Variants in PLCL2 observed in about 807,000 individuals in gnomAD.
PLCL2 encodes the protein phospholipase C like 2.
In PLCL2, 4 loss-of-function variants were observed where a neutral mutation model predicts 79.6. The observed-to-expected ratio is 0.05, with a 90% CI of 0.02 to 0.11. The LOEUF (loss-of-function observed/expected upper bound fraction) is 0.11, where lower values mean the gene tolerates loss of function less well. PLCL2 is among the 10% of genes least tolerant of loss of function. The pLI is 1.00. For missense variants in PLCL2, 895 were observed against 1,291.0 expected, an observed-to-expected ratio of 0.69 and a Z score of 4.70; for synonymous variants, 484 against 457.7, an observed-to-expected ratio of 1.06 and a Z score of -0.73.
chr3:16,954,185 G>T (rs529373579), intron 1 of PLCL2, among the ~76,000 whole-genome samples: 3 of 151,936 alleles, frequency 2.0e-5, no homozygotes, highest in Non-Finnish European at 2.9e-5. Flanking sequence ...GCTCCCCCCA[G>T]CCCACAACAG....
chr3:16,919,953 A>G (rs1269865934), intron 1 of PLCL2, among the ~76,000 whole-genome samples: 1 of 152,170 alleles, frequency 6.6e-6, no homozygotes, highest in Non-Finnish European at 1.5e-5. Context: ...GAATATCCAT[A>G]TATATACCAC....
At chr3:16,942,184 A>G (rs17272740) in intron 1 of PLCL2, among the ~76,000 whole-genome samples, 24,425 of 152,220 alleles carry the variant, frequency 0.16, 2,489 homozygotes, top group Non-Finnish European at 0.21. Context: ...CAGTGGACCA[A>G]TAGAACCCTA....
At chr3:16,964,568 A>G (rs916014350) in intron 1 of PLCL2, among the ~76,000 whole-genome samples, 1 of 152,142 alleles carries the variant, frequency 6.6e-6, no homozygotes, top group Non-Finnish European at 1.5e-5. Context: ...TGGTATTTCT[A>G]GTTCTAGATC....
intron 1 of PLCL2, among the ~76,000 whole-genome samples, chr3:16,901,137 A>G (rs1193497122): frequency 6.6e-6 from 1 of 152,240 alleles, no homozygotes; most frequent in Non-Finnish European, 1.5e-5. Context: ...TGAAGTTTCA[A>G]AAAATTATAT....
chr3:16,921,208 T>C (rs1697118072), intron 1 of PLCL2, among the ~76,000 whole-genome samples: 1 of 152,230 alleles, frequency 6.6e-6, no homozygotes, highest in South Asian at 2.1e-4. Flanking sequence ...TTTAGTCATA[T>C]ATTTTTAAAA....
chr3:16,958,171 A>T (rs7645335), intron 1 of PLCL2, among the ~76,000 whole-genome samples: 85,121 of 152,054 alleles, frequency 0.56, 23,970 homozygotes, highest in South Asian at 0.65. Flanking sequence ...TGGTACTGAT[A>T]GTTCCTTTCC....
chr3:16,952,360 CAAAAAAAAAAAAAAAA>C lies in PLCL2; in HGVS notation c.328-57298_328-57283del, dbSNP rs35421244. Among the ~76,000 whole-genome samples the C allele has an allele frequency of 4.4e-4, 10 of 22,616 alleles. 1 individual carries two copies. The highest frequency in any genetic ancestry group is 3.7e-4 in the Non-Finnish European group (5 of 13,626). The allele number at this position is 22,616 out of a possible 152,430, so 14.8% of individuals were successfully genotyped here. The stretch of plus-strand genomic sequence containing the variant: ...TGCACATGTATCCCAGAACTTAAAG[CAAAAAAAAAAAAAAAA>C]AAAAAAAAAAAAAAAGAACCTGTTC... On this transcript the variant is annotated intron_variant, in intron 1 of 5. Coordinates refer to ENST00000615277, the MANE Select transcript of PLCL2 (RefSeq NM_001144382.2).
rs756668314 is a variant in PLCL2 at position 17,011,458 on chromosome 3, T to C, written c.2112T>C (p.Phe704=). The C allele has an allele frequency of 2.5e-6, 4 of 1,614,178 alleles. No homozygotes were observed. In the South Asian group the frequency reaches 3.3e-5, roughly 13 times the overall value. ...KCGCQIVAMN[F]QTPGLMMDLN... is the part of the protein sequence containing the mutation. Reference sequence around the variant, plus strand: ...GTTGCCAAATTGTAGCCATGAACTTTCAGACACCAGGACTGATGATGGACC... The same window carrying C: ...GTTGCCAAATTGTAGCCATGAACTTCCAGACACCAGGACTGATGATGGACC... Residue 704 remains phenylalanine, a synonymous_variant, in exon 2 of 6, where the codon TTT becomes TTC. Coordinates refer to ENST00000615277, the MANE Select transcript of PLCL2 (RefSeq NM_001144382.2). The surrounding 1 kb of genome is among the most constrained non-coding windows in gnomAD (Gnocchi z 7.9).
intron 1 of PLCL2, among the ~76,000 whole-genome samples, chr3:16,982,738 T>C (rs2064012573): frequency 6.6e-6 from 1 of 152,236 alleles, no homozygotes; most frequent in African/African-American, 2.4e-5. Flanking sequence ...TTCTTCTCTT[T>C]CCTTTACTGA....
chr3:16,962,202 A>G (rs1284462727), intron 1 of PLCL2, among the ~76,000 whole-genome samples: 2 of 152,210 alleles, frequency 1.3e-5, no homozygotes. Flanking sequence ...ATATTAGAGA[A>G]CAGGTTATTT....
chr3:16,895,106 C>CATGTATCTATATA lies in PLCL2; in HGVS notation c.327+9740_327+9741insATGTATCTATATA, dbSNP rs1559478587. Reference sequence around the variant, plus strand: ...TATATGTTGAAACATGTATCTATATCGATATAGATATATGTTGAAACATGT... The same window carrying CATGTATCTATATA: ...TATATGTTGAAACATGTATCTATATCATGTATCTATATAGATATAGATATATGTTGAAACATGT... On this transcript the variant is annotated intron_variant, in intron 1 of 5. Transcript: ENST00000615277. Among the ~76,000 whole-genome samples, 478 of 141,320 alleles carry CATGTATCTATATA rather than the reference C, an allele frequency of 3.4e-3. 3 individuals are homozygous for CATGTATCTATATA. Among genetic ancestry groups the CATGTATCTATATA allele is most frequent in the African/African-American group, 0.011 (455 of 40,166 alleles). The allele number at this position is 141,320 out of a possible 152,430, so 92.7% of individuals were successfully genotyped here.
rs1000949962 is a variant in PLCL2, at chr3:16,886,052, T to C, written c.327+686T>C. ...GTGGAAGTTCTTTTGGGCAGTTTGC[T>C]TGGTTTTGCTTGCACAGTGTTAGCG... On this transcript the variant is annotated intron_variant, in intron 1 of 5. Transcript: ENST00000615277. This position sits in a 1 kb window ranked among gnomAD's most constrained non-coding sequence, Gnocchi z 4.2. Among the ~76,000 whole-genome samples the C allele has an allele frequency of 1.3e-5, 2 of 152,232 alleles. No individual in the cohort carries two copies. Among genetic ancestry groups the C allele is most frequent in the African/African-American group, 4.8e-5 (2 of 41,458 alleles).
At chr3:17,069,507 G>T (rs2065042673) in intron 5 of PLCL2, among the ~76,000 whole-genome samples, 1 of 152,182 alleles carries the variant, frequency 6.6e-6, no homozygotes, top group Admixed American at 6.5e-5. Flanking sequence ...AGAGGACTGA[G>T]AGATATGTGG....
In PLCL2 at chr3:16,960,715, G is replaced by A. The variant is rs192522843; in HGVS notation, c.328-48959G>A. ...ATTGAGTATTTTTCATTTATGTCTTGTATGTGGATAAATAAATGGTCCCAT... is the reference window on the plus strand; with the variant it reads ...ATTGAGTATTTTTCATTTATGTCTTATATGTGGATAAATAAATGGTCCCAT... On this transcript the variant is annotated intron_variant, in intron 1 of 5. Coordinates refer to ENST00000615277, the MANE Select transcript of PLCL2 (RefSeq NM_001144382.2). Among the ~76,000 whole-genome samples, 310 of 152,162 alleles carry A rather than the reference G, an allele frequency of 2.0e-3. 1 individual carries two copies. The highest frequency in any genetic ancestry group is 5.7e-3 in the African/African-American group (238 of 41,488).
chr3:16,996,511 A>G (rs1174599870), intron 1 of PLCL2, among the ~76,000 whole-genome samples: 1 of 152,144 alleles, frequency 6.6e-6, no homozygotes, highest in Non-Finnish European at 1.5e-5. Flanking sequence ...AATTTGAGCT[A>G]TATATGATTC....
At chr3:17,025,298 A>T (rs1348643528) in intron 3 of PLCL2, among the ~76,000 whole-genome samples, 1 of 152,132 alleles carries the variant, frequency 6.6e-6, no homozygotes, top group Non-Finnish European at 1.5e-5. Flanking sequence ...ACCCATTCTT[A>T]TGTAGTTTAG....
rs1337035611 is a variant in PLCL2 at position 17,068,155 on chromosome 3, A to G, written c.3204+90A>G. On this transcript the variant is annotated intron_variant, in intron 5 of 5. Transcript: ENST00000615277. Reference sequence around the variant, plus strand: ...TAGTATAACATTTCCTGCATTGTACATGGTCAGCCACTGAGATTGTAGAAT... The same window carrying G: ...TAGTATAACATTTCCTGCATTGTACGTGGTCAGCCACTGAGATTGTAGAAT... The G allele has an allele frequency of 5.6e-6, 4 of 711,872 alleles. No homozygotes were observed. The African/African-American group carries it at 7.1e-5, about 13-fold the overall frequency. The allele number at this position is 711,872 out of a possible 1,614,324, so 44.1% of individuals were successfully genotyped here.
intron 1 of PLCL2, among the ~76,000 whole-genome samples, chr3:16,913,778 T>G (rs1016628553): frequency 2.0e-5 from 3 of 152,184 alleles, no homozygotes; most frequent in African/African-American, 7.2e-5. Flanking sequence ...ATCTTCATAA[T>G]AATTTTGAAT....
chr3:17,027,518 A>T lies in PLCL2; in HGVS notation c.3018+12607A>T, dbSNP rs114998790. Among the ~76,000 whole-genome samples, 638 of 152,314 alleles carry T rather than the reference A, an allele frequency of 4.2e-3. 2 individuals are homozygous for T. Among genetic ancestry groups the T allele is most frequent in the African/African-American group, 0.015 (613 of 41,570 alleles). On this transcript the variant is annotated intron_variant, in intron 3 of 5. Transcript: ENST00000615277. ...TTTACTGTCTGGCTCTGTACAGAAC[A>T]AATTTGCCAACACTTCCAAAAGTGG...
Sources: allele counts gnomAD v4.1 joint callset (sites outside exome capture counted in the v4.1 genomes callset), GRCh38; gene constraint gnomAD v4.1.1; non-coding constraint Gnocchi (gnomAD v3.1); transcripts MANE v1.5; gene names NCBI Gene and HGNC (gene_info 2026-07-23, HGNC 2026-07-21).